Variants in PCDHAC1 observed in about 807,000 individuals in gnomAD.
The protein encoded by PCDHAC1 is protocadherin alpha-C1.
PCDHAC1 carries 42 observed loss-of-function variants against 60.0 expected under a neutral mutation model. That is an observed-to-expected ratio of 0.70 (90% CI 0.55 to 0.90). PCDHAC1 has a LOEUF of 0.90. PCDHAC1 is among the 40% of genes least tolerant of loss of function. PCDHAC1 has a pLI of 0.00. For missense variants in PCDHAC1, 1,160 were observed against 1,222.3 expected (o/e 0.95, Z 0.76); for synonymous variants, 468 against 499.3 (o/e 0.94, Z 0.84).
Position 140,926,573 on chromosome 5 carries a change from A to C in PCDHAC1, c.-320A>C. The stretch of plus-strand genomic sequence containing the variant: ...ACCCCAGCCCGCTGCTACTGGAGAC[A>C]GCACCTCTCGCGCCCGGGCGGGCGG... On this transcript the variant is annotated 5_prime_UTR_variant, in exon 1 of 4. Transcript: ENST00000253807. The C allele has an allele frequency of 7.5e-6, 2 of 265,974 alleles. No individual in the cohort carries two copies. 16.5% of individuals were successfully genotyped at this position (265,974 alleles called of 1,614,324 possible). A position where few individuals can be genotyped will look rare whatever the true frequency, so the allele number is the denominator to read the frequency against.
intron 3 of PCDHAC1, among the ~76,000 whole-genome samples, chr5:141,000,640 C>G (rs2097954123): frequency 6.6e-6 from 1 of 151,256 alleles, no homozygotes; most frequent in South Asian, 2.1e-4. Flanking sequence ...GTTGGGCAGG[C>G]TGGTCTCGAA....
rs146952531 is a variant in PCDHAC1 at position 140,951,754 on chromosome 5, G to A, written c.2433+22429G>A. Among the ~76,000 whole-genome samples the A allele has an allele frequency of 4.6e-3, 703 of 152,152 alleles. 3 individuals are homozygous for A. The highest frequency in any genetic ancestry group is 0.016 in the African/African-American group (681 of 41,502). ...TTCTGCCACTGCCCTCACCCTCCGC[G>A]AAATCTCATGACGTTCTTACATTGC... On this transcript the variant is annotated intron_variant, in intron 1 of 3. Transcript: ENST00000253807.
intron 1 of PCDHAC1, among the ~76,000 whole-genome samples, chr5:140,953,639 AG>A (rs1227582024): frequency 6.6e-6 from 1 of 152,152 alleles, no homozygotes; most frequent in African/African-American, 2.4e-5. Context: ...TATTTTGGCC[AG>A]GAGCTATAGT....
At chr5:140,932,349 C>A (rs2088248613) in intron 1 of PCDHAC1, among the ~76,000 whole-genome samples, 1 of 151,900 alleles carries the variant, frequency 6.6e-6, no homozygotes, top group Admixed American at 6.6e-5. Flanking sequence ...ACTTACCATA[C>A]AACTGGCCTT....
intron 1 of PCDHAC1, among the ~76,000 whole-genome samples, chr5:140,964,816 T>A (rs79964853): frequency 0.016 from 2,494 of 151,960 alleles, 68 homozygotes; most frequent in African/African-American, 0.056. Context: ...CAGGAATAGA[T>A]TTTGATGAAA....
chr5:141,001,245 C>G (rs1554258043), intron 3 of PCDHAC1, among the ~76,000 whole-genome samples: 2 of 152,082 alleles, frequency 1.3e-5, no homozygotes, highest in Non-Finnish European at 2.9e-5. Context: ...TAAATCAACC[C>G]TATGGGGCGG....
intron 3 of PCDHAC1, among the ~76,000 whole-genome samples, chr5:140,998,571 T>G (rs2097822082): frequency 1.0e-5 from 1 of 96,286 alleles, no homozygotes; most frequent in African/African-American, 3.7e-5. Flanking sequence ...GTAAATAAGT[T>G]TTTTTTTTTT....
chr5:140,983,363 C>A (rs574253600), intron 3 of PCDHAC1, among the ~76,000 whole-genome samples: 33 of 152,290 alleles, frequency 2.2e-4, no homozygotes, highest in African/African-American at 7.9e-4. Context: ...AGAAATATGG[C>A]TTTGGAGGCC....
At chr5:140,992,862 G>A (rs2097531583) in intron 3 of PCDHAC1, among the ~76,000 whole-genome samples, 2 of 152,084 alleles carry the variant, frequency 1.3e-5, no homozygotes, top group Non-Finnish European at 2.9e-5. Context: ...TTTCACTCTA[G>A]CTCCCTCCTT....
At chr5:140,967,669 G>T (rs782398219) in intron 1 of PCDHAC1, 1 of 1,614,126 alleles carries the variant, frequency 6.2e-7, no homozygotes, top group Non-Finnish European at 8.5e-7. Context: ...GCTACACGTC[G>T]GACCGGGAGA....
intron 1 of PCDHAC1, among the ~76,000 whole-genome samples, chr5:140,973,418 T>G (rs1235123458): frequency 6.6e-6 from 1 of 152,212 alleles, no homozygotes; most frequent in East Asian, 1.9e-4. Flanking sequence ...CCACTCCAGT[T>G]TTTCATCCTC....
At chr5:140,966,350 A>C in intron 1 of PCDHAC1, 1 of 397,418 alleles carries the variant, frequency 2.5e-6, no homozygotes, top group Non-Finnish European at 4.4e-6. Flanking sequence ...GGTGAAGGAG[A>C]TGGGGCTGGA....
chr5:141,002,049 A>G (rs1288460436), intron 3 of PCDHAC1, among the ~76,000 whole-genome samples: 1 of 152,228 alleles, frequency 6.6e-6, no homozygotes, highest in Non-Finnish European at 1.5e-5. Flanking sequence ...CTGGGCATCC[A>G]GAGGCAGCAG....
At chr5:140,979,211 A>G (rs1241898337) in intron 2 of PCDHAC1, among the ~76,000 whole-genome samples, 18 of 152,222 alleles carry the variant, frequency 1.2e-4, no homozygotes, top group Admixed American at 7.9e-4. Context: ...GTGCTGGCAT[A>G]TAAGAGTCCT....
intron 2 of PCDHAC1, among the ~76,000 whole-genome samples, chr5:140,981,011 T>C (rs1363062809): frequency 6.6e-6 from 1 of 152,132 alleles, no homozygotes; most frequent in African/African-American, 2.4e-5. Flanking sequence ...CCAGGAACAC[T>C]TGAAGGCTGT....
At chr5:140,989,865 C>T (rs1209207256) in intron 3 of PCDHAC1, among the ~76,000 whole-genome samples, 1 of 152,034 alleles carries the variant, frequency 6.6e-6, no homozygotes, top group Non-Finnish European at 1.5e-5. Flanking sequence ...AGGAATCTTT[C>T]TCTGCCTCAG....
intron 1 of PCDHAC1, chr5:140,966,488 C>T: frequency 2.3e-6 from 1 of 440,248 alleles, no homozygotes; most frequent in Non-Finnish European, 3.9e-6. Flanking sequence ...TTTCCCTCCC[C>T]CTGGAGCTGT....
At chr5:141,009,511 G>C in intron 3 of PCDHAC1, 116 bp from the exon 4 acceptor site, 2 of 1,498,174 alleles carry the variant, frequency 1.3e-6, no homozygotes, top group Non-Finnish European at 1.8e-6. Context: ...CAAACAACTC[G>C]TGATTTTTCT....
chr5:140,956,585 T>G (rs1004549488), intron 1 of PCDHAC1, among the ~76,000 whole-genome samples: 4 of 152,198 alleles, frequency 2.6e-5, no homozygotes, highest in Non-Finnish European at 5.9e-5. Flanking sequence ...CATTGATGCT[T>G]ATCAGGGATA....
Sources: allele counts gnomAD v4.1 joint callset (sites outside exome capture counted in the v4.1 genomes callset), GRCh38; gene constraint gnomAD v4.1.1; transcripts MANE v1.5; gene names NCBI Gene and HGNC (gene_info 2026-07-23, HGNC 2026-07-21).